Variants in SLC25A26 observed in about 807,000 individuals in gnomAD.
SLC25A26 encodes the protein solute carrier family 25 member 26.
Under a neutral mutation model 37.8 loss-of-function variants are expected in SLC25A26, and 36 were observed. The ratio of observed to expected loss-of-function variants is 0.95; its 90% confidence interval spans 0.73 to 1.26. The LOEUF (loss-of-function observed/expected upper bound fraction) is 1.26. Among genes scored for constraint, SLC25A26 ranks in the 50% most tolerant of loss-of-function variants. The pLI, the probability that SLC25A26 is intolerant of heterozygous loss-of-function variation, is 0.00. For missense variants in SLC25A26, 390 were observed against 331.1 expected, an observed-to-expected ratio of 1.18 and a Z score of -1.38; for synonymous variants, 129 against 122.5, an observed-to-expected ratio of 1.05 and a Z score of -0.35.
At chr3:66,365,481 T>G (rs898317529) in intron 7 of SLC25A26, among the ~76,000 whole-genome samples, 1 of 152,228 alleles carries the variant, frequency 6.6e-6, no homozygotes, top group African/African-American at 2.4e-5. Context: ...TCGAGTTAAC[T>G]TCTAAACATA....
At chr3:66,332,904 A>C (rs982265920) in intron 5 of SLC25A26, among the ~76,000 whole-genome samples, 1 of 152,026 alleles carries the variant, frequency 6.6e-6, no homozygotes, top group African/African-American at 2.4e-5. Flanking sequence ...TCTATATGAC[A>C]TATGTGGGTG....
At chr3:66,350,857 G>A (rs1217016754) in intron 6 of SLC25A26, among the ~76,000 whole-genome samples, 2 of 152,044 alleles carry the variant, frequency 1.3e-5, no homozygotes, top group Non-Finnish European at 2.9e-5. Flanking sequence ...GGATCCAAAA[G>A]TGATGCATCA....
rs146934258 is a variant in SLC25A26, at chr3:66,221,897, T to C, written c.33+770T>C. 8.1e-4 allele frequency among the ~76,000 whole-genome samples: 122 copies of C among 151,524 alleles called. 2 individuals carry two copies. Among genetic ancestry groups the C allele is most frequent in the African/African-American group, 2.9e-3 (119 of 41,232 alleles). ...TTTAAAATGATTTTCATAGGGAAAATGGAGGCCCACAGTGATTTAGTCACT... is the reference window on the plus strand; with the variant it reads ...TTTAAAATGATTTTCATAGGGAAAACGGAGGCCCACAGTGATTTAGTCACT... On this transcript the variant is annotated intron_variant, in intron 1 of 9. Transcript: ENST00000354883.
At chr3:66,267,206 G>T (rs1020838995) in intron 5 of SLC25A26, among the ~76,000 whole-genome samples, 1 of 107,986 alleles carries the variant, frequency 9.3e-6, no homozygotes, top group African/African-American at 2.7e-5. Flanking sequence ...GTGGTGCTCA[G>T]TTAGCATAAA....
chr3:66,260,197 AC>A (rs1328184117), intron 3 of SLC25A26, among the ~76,000 whole-genome samples: 10 of 150,818 alleles, frequency 6.6e-5, no homozygotes, highest in Non-Finnish European at 1.5e-4. Flanking sequence ...CATGCGCCCC[AC>A]CCCCCTTTTG....
At chr3:66,335,587 T>C (rs1001681567) in intron 5 of SLC25A26, among the ~76,000 whole-genome samples, 6 of 152,204 alleles carry the variant, frequency 3.9e-5, no homozygotes, top group South Asian at 2.1e-4. Flanking sequence ...CTTTTAGCCT[T>C]ATCCCCTCCC....
intron 5 of SLC25A26, chr3:66,304,324 T>C: frequency 4.8e-6 from 2 of 414,172 alleles, no homozygotes; most frequent in Non-Finnish European, 9.6e-6. Context: ...CAATGCCTCT[T>C]GATTTAAAAA....
At chr3:66,226,127 A>G (rs1052012062) in intron 1 of SLC25A26, among the ~76,000 whole-genome samples, 1 of 152,166 alleles carries the variant, frequency 6.6e-6, no homozygotes, top group African/African-American at 2.4e-5. Flanking sequence ...CACACTGCTG[A>G]TAAAGACATA....
chr3:66,197,755 CA>C (rs2071064132), intron 1 of SLC25A26, among the ~76,000 whole-genome samples: 1 of 151,758 alleles, frequency 6.6e-6, no homozygotes, highest in African/African-American at 2.4e-5. Context: ...GAGTCAGGTG[CA>C]AGACAGGGTT....
At chr3:66,262,800 TC>T (rs1161433433) in intron 4 of SLC25A26, among the ~76,000 whole-genome samples, 2 of 152,192 alleles carry the variant, frequency 1.3e-5, no homozygotes, top group Non-Finnish European at 2.9e-5. Context: ...TAGTATAACT[TC>T]CCCGTTGAAC....
intron 1 of SLC25A26, among the ~76,000 whole-genome samples, chr3:66,223,279 C>A (rs1392897009): frequency 1.3e-5 from 2 of 152,064 alleles, no homozygotes; most frequent in Non-Finnish European, 2.9e-5. Context: ...TTTTGATGAT[C>A]AGAGTGGGAG....
rs145548105 is a variant in SLC25A26, at chr3:66,289,284, T to G, written c.453+25905T>G. ...CCTATTCTGTAGGTTGCCTATTCAC[T>G]CTGATGATAGTTTCTTTTGCTGTGC... On this transcript the variant is annotated intron_variant, in intron 5 of 9. Coordinates refer to ENST00000354883, the MANE Select transcript of SLC25A26 (RefSeq NM_001379210.1). 7.9e-3 allele frequency among the ~76,000 whole-genome samples: 1,210 copies of G among 152,300 alleles called. 15 individuals are homozygous for G. The highest frequency in any genetic ancestry group is 0.028 in the African/African-American group (1,162 of 41,554).
chr3:66,326,883 C>T (rs1194601437), intron 5 of SLC25A26, among the ~76,000 whole-genome samples: 1 of 152,176 alleles, frequency 6.6e-6, no homozygotes, highest in Non-Finnish European at 1.5e-5. Context: ...GAACTCTGGT[C>T]CTCTCCACAC....
At chr3:66,270,553 T>G (rs544043876) in intron 5 of SLC25A26, among the ~76,000 whole-genome samples, 3 of 152,350 alleles carry the variant, frequency 2.0e-5, no homozygotes, top group Middle Eastern at 3.4e-3. Flanking sequence ...AGACATTCTT[T>G]TTGATGGAAA....
At chr3:66,320,133 C>T (rs1036587512) in intron 5 of SLC25A26, among the ~76,000 whole-genome samples, 1 of 151,900 alleles carries the variant, frequency 6.6e-6, no homozygotes. Flanking sequence ...TAAAATTTGC[C>T]GTTTTTTAAC....
At chr3:66,338,941 C>A (rs80232965) in intron 5 of SLC25A26, among the ~76,000 whole-genome samples, 2,105 of 152,032 alleles carry the variant, frequency 0.014, 63 homozygotes, top group African/African-American at 0.048. Flanking sequence ...AATACTCCAT[C>A]CCGTTGTATG....
At chr3:66,307,319 G>A (rs1341944538) in intron 5 of SLC25A26, among the ~76,000 whole-genome samples, 5 of 152,148 alleles carry the variant, frequency 3.3e-5, no homozygotes, top group African/African-American at 1.2e-4. Context: ...AGAAGTGTCT[G>A]TTAATATCCT....
intron 1 of SLC25A26, among the ~76,000 whole-genome samples, chr3:66,208,717 G>GAT (rs2071215761): frequency 9.5e-6 from 1 of 105,748 alleles, no homozygotes; most frequent in Non-Finnish European, 1.9e-5. Flanking sequence ...CATTTATATG[G>GAT]GTATATATAT....
rs1700294452 is a variant in SLC25A26 at position 66,370,607 on chromosome 3, G to A, written c.707+5G>A. ...GCGGTCACAGGGGCTGGCAGGGTAA[G>A]ACGAGGAATGCCCTCCTTCCTTTCT... On this transcript the variant is annotated splice_donor_5th_base_variant and intron_variant, in intron 9 of 9. Transcript: ENST00000354883. 6.2e-7 allele frequency: 1 copy of A among 1,612,158 alleles called. No individual in the cohort carries two copies.
Sources: allele counts gnomAD v4.1 joint callset (sites outside exome capture counted in the v4.1 genomes callset), GRCh38; gene constraint gnomAD v4.1.1; transcripts MANE v1.5; gene names NCBI Gene and HGNC (gene_info 2026-07-23, HGNC 2026-07-21).